The following GASK1B variants were observed in gnomAD, a reference collection of about 807,000 sequenced individuals.
GASK1B encodes Golgi-associated kinase 1B.
GASK1B carries 34 observed loss-of-function variants against 42.8 expected under a neutral mutation model. The observed-to-expected ratio is 0.79, with a 90% CI of 0.60 to 1.06. GASK1B has a LOEUF of 1.06. Among genes scored for constraint, GASK1B ranks in the 50% least tolerant of loss-of-function variants. The pLI, the probability that GASK1B is intolerant of heterozygous loss-of-function variation, is 0.00. For missense variants in GASK1B, 686 were observed against 661.0 expected, an observed-to-expected ratio of 1.04 and a Z score of -0.42; for synonymous variants, 262 against 259.1, an observed-to-expected ratio of 1.01 and a Z score of -0.11.
At chr4:158,141,537 C>G (rs1731116217) in intron 3 of GASK1B, among the ~76,000 whole-genome samples, 3 of 150,392 alleles carry the variant, frequency 2.0e-5, no homozygotes, top group Admixed American at 1.3e-4. Flanking sequence ...CAAGTCTCCA[C>G]TAGAAAAATG....
chr4:158,143,896 C>T (rs1460180218), intron 3 of GASK1B, among the ~76,000 whole-genome samples: 1 of 152,032 alleles, frequency 6.6e-6, no homozygotes, highest in Non-Finnish European at 1.5e-5. Context: ...AATACAGTGT[C>T]ATAAATTAAA....
intron 3 of GASK1B, among the ~76,000 whole-genome samples, chr4:158,154,483 C>T (rs1322643981): frequency 3.9e-5 from 6 of 152,146 alleles, no homozygotes; most frequent in Non-Finnish European, 8.8e-5. Context: ...TAGATCTACC[C>T]TTTGATCCAG....
rs749360876 is a variant in GASK1B at position 158,171,420 on chromosome 4, T to G, written c.-45A>C. The G allele has an allele frequency of 3.0e-5, 45 of 1,511,930 alleles. No homozygotes were observed. The highest frequency in any genetic ancestry group is 3.9e-5 in the Non-Finnish European group (44 of 1,128,694). The allele number at this position is 1,511,930 out of a possible 1,614,324, so 93.7% of individuals were successfully genotyped here. On this transcript the variant is annotated 5_prime_UTR_variant, in exon 2 of 5. Coordinates refer to ENST00000585682, the MANE Select transcript of GASK1B (RefSeq NM_001128424.2). Reference sequence around the variant, plus strand: ...GTTGAACGGAGTTTAAAGTCTGCAGTTGGCTCCTGCTAATGTGATGCATGG... The same window carrying G: ...GTTGAACGGAGTTTAAAGTCTGCAGGTGGCTCCTGCTAATGTGATGCATGG...
chr4:158,135,570 T>A (rs568578359), intron 3 of GASK1B, among the ~76,000 whole-genome samples: 18 of 151,624 alleles, frequency 1.2e-4, no homozygotes, highest in Middle Eastern at 3.4e-3. Flanking sequence ...CTAGTTGACC[T>A]CCCCAAGGCC....
chr4:158,146,311 G>A (rs1394275065), intron 3 of GASK1B, among the ~76,000 whole-genome samples: 2 of 151,728 alleles, frequency 1.3e-5, no homozygotes, highest in East Asian at 1.9e-4. Context: ...ATAGGCGAAG[G>A]CCTATAATAT....
chr4:158,132,488 C>A (rs2110931172), intron 3 of GASK1B, among the ~76,000 whole-genome samples: 1 of 152,318 alleles, frequency 6.6e-6, no homozygotes, highest in South Asian at 2.1e-4. Flanking sequence ...TGGTCAGCAC[C>A]TCTCCACCAT....
Position 158,170,463 on chromosome 4 carries a change from T to G in GASK1B, c.910+3A>C. ...CAAATAACGAAGCATGTGAATCTGT[T>G]ACCTTGGATGAACTCTGCTTTCCTG... On this transcript the variant is annotated splice_donor_region_variant and intron_variant, in intron 2 of 4. Transcript: ENST00000585682. 1 of 1,614,214 alleles carries G rather than the reference T, an allele frequency of 6.2e-7. No individual in the cohort carries two copies. The highest frequency in any genetic ancestry group is 8.5e-7 in the Non-Finnish European group (1 of 1,180,032).
intron 3 of GASK1B, among the ~76,000 whole-genome samples, chr4:158,149,451 A>G: frequency 6.6e-6 from 1 of 152,200 alleles, no homozygotes; most frequent in East Asian, 1.9e-4. Flanking sequence ...TGACAGGTTC[A>G]GAATTAAAAT....
intron 2 of GASK1B, chr4:158,169,978 T>G: frequency 2.1e-6 from 1 of 472,154 alleles, no homozygotes; most frequent in Non-Finnish European, 3.7e-6. Flanking sequence ...AAGGGGGGGT[T>G]AAACCTAACA....
chr4:158,146,145 GTTT>G (rs34180957), intron 3 of GASK1B, among the ~76,000 whole-genome samples: 78 of 149,820 alleles, frequency 5.2e-4, no homozygotes, highest in Admixed American at 9.9e-4. Flanking sequence ...ATAACTAGTT[GTTT>G]TTTTTTTTCA....
At chr4:158,148,155 A>C (rs1429381279) in intron 3 of GASK1B, among the ~76,000 whole-genome samples, 3 of 152,178 alleles carry the variant, frequency 2.0e-5, no homozygotes, top group African/African-American at 7.2e-5. Flanking sequence ...CTGAGGTTGC[A>C]GTGAGTTATG....
chr4:158,163,667 TG>T (rs1732118514), intron 2 of GASK1B, among the ~76,000 whole-genome samples: 3 of 152,250 alleles, frequency 2.0e-5, no homozygotes. Flanking sequence ...AGGTAAGTAA[TG>T]TTATCATCAT....
intron 3 of GASK1B, among the ~76,000 whole-genome samples, chr4:158,134,663 C>A (rs1730811783): frequency 2.0e-5 from 3 of 152,186 alleles, no homozygotes; most frequent in Middle Eastern, 6.8e-3. Context: ...CCCAGGTGTT[C>A]CAGCCAAATT....
At chr4:158,154,773 G>GT (rs1290655979) in intron 3 of GASK1B, among the ~76,000 whole-genome samples, 1 of 152,124 alleles carries the variant, frequency 6.6e-6, no homozygotes, top group Non-Finnish European at 1.5e-5. Flanking sequence ...ACCAAACATC[G>GT]TATGTTCTCA....
chr4:158,170,789 A>G lies in GASK1B; in HGVS notation c.587T>C (p.Leu196Pro). 2 of 1,614,194 alleles carry G rather than the reference A, an allele frequency of 1.2e-6. No individual in the cohort carries two copies. The highest frequency in any genetic ancestry group is 1.7e-6 in the Non-Finnish European group (2 of 1,180,022). ...PGVRAGGPDF[L>P]QPSSRESNIR... ...GTTGCTCTCCCTGGAGCTGGGCTGCAGGAAGTCTGGGCCCCCGGCTCGCAC... is the reference window on the plus strand; with the variant it reads ...GTTGCTCTCCCTGGAGCTGGGCTGCGGGAAGTCTGGGCCCCCGGCTCGCAC... Residue 196 changes from leucine (L) to proline (P), a missense_variant, in exon 2 of 5, where the codon CTG becomes CCG. Transcript: ENST00000585682.
intron 3 of GASK1B, among the ~76,000 whole-genome samples, chr4:158,133,008 T>C (rs764938092): frequency 9.8e-5 from 15 of 152,340 alleles, no homozygotes; most frequent in South Asian, 8.3e-4. Context: ...AAGCACAAAT[T>C]AGAAACTTTT....
At chr4:158,132,738 A>G (rs1730729966) in intron 3 of GASK1B, among the ~76,000 whole-genome samples, 1 of 152,180 alleles carries the variant, frequency 6.6e-6, no homozygotes, top group South Asian at 2.1e-4. Context: ...TGCACCAGTC[A>G]AAGGGTACAC....
intron 3 of GASK1B, among the ~76,000 whole-genome samples, chr4:158,132,513 G>C (rs1377388917): frequency 2.6e-5 from 4 of 152,128 alleles, no homozygotes; most frequent in African/African-American, 9.7e-5. Context: ...ACTTCCAATG[G>C]AAAATTGAAA....
rs113238241 is a variant in GASK1B at position 158,171,225 on chromosome 4, G to A, written c.151C>T (p.Leu51=). Reference sequence around the variant, plus strand: ...GAGGCCCTCCCCACCTGGCTCACCAGGAAGCCCAAGTAGATGGCACACGCA... The same window carrying A: ...GAGGCCCTCCCCACCTGGCTCACCAAGAAGCCCAAGTAGATGGCACACGCA... ...GTACAIYLGF[L]VSQVGRASLQ... The change falls in exon 2 of 5, where the codon CTG becomes TTG. Residue 51 remains leucine (L), a synonymous_variant. Transcript: ENST00000585682. The A allele has an allele frequency of 5.3e-5, 85 of 1,614,012 alleles. No individual in the cohort carries two copies. The African/African-American group carries it at 8.9e-4, about 17-fold the overall frequency.
Sources: gnomAD v4.1 joint callset for allele counts (sites outside exome capture counted in the v4.1 genomes callset) on GRCh38, gnomAD v4.1.1 for gene constraint, MANE v1.5 for transcripts, NCBI Gene and HGNC (gene_info 2026-07-23, HGNC 2026-07-21) for gene names.